Variants in TLCD5 observed in about 807,000 individuals in gnomAD.
TLCD5 encodes the protein TLC domain containing 5, also known as TLC domain-containing protein 5.
Under a neutral mutation model 20.5 loss-of-function variants are expected in TLCD5, and 15 were observed. That is an observed-to-expected ratio of 0.73 (90% CI 0.49 to 1.13). The LOEUF is 1.13. TLCD5 is among the 50% of genes most tolerant of loss of function. The probability of loss-of-function intolerance (pLI) is 0.00; values close to 1 mark genes in which losing one functional copy is unlikely to be tolerated. For synonymous variants in TLCD5, 107 were observed against 114.7 expected (o/e 0.93, Z 0.43); for missense variants, 289 against 305.6 (o/e 0.95, Z 0.41).
intron 1 of TLCD5, among the ~76,000 whole-genome samples, chr11:120,326,170 C>A (rs1012326358): frequency 6.6e-6 from 1 of 152,034 alleles, no homozygotes; most frequent in Non-Finnish European, 1.5e-5. Flanking sequence ...CCTTTCCCTT[C>A]CTCCCCTTCC....
Position 120,330,244 on chromosome 11 carries a change from C to T in TLCD5, c.467C>T (p.Thr156Ile), listed in dbSNP as rs1039267708. Residue 156 changes from threonine to isoleucine, a missense_variant, in exon 3 of 3, where the codon ACT (threonine) becomes ATT (isoleucine). Transcript: ENST00000375095. ...GAAACAGGGCACTATCACAGTTTCA[C>T]TGGAGATGTAGTGGACTTCCTCTTT... is the stretch of plus-strand genomic sequence containing the variant. ...LRETGHYHSF[T>I]GDVVDFLFVA... 3 of 1,552,932 alleles carry T rather than the reference C, an allele frequency of 1.9e-6. No individual in the cohort carries two copies. The African/African-American group carries it at 4.1e-5, about 21-fold the overall frequency.
At position 120,330,153 on chromosome 11, in the gene TLCD5, G is replaced by A; in HGVS notation, c.376G>A (p.Val126Ile). ...ALVLGESGTEVNAVLFGSELT... is the reference protein window; with the variant it reads ...ALVLGESGTEINAVLFGSELT... ...TGTGCTTGGGGAGTCTGGCACAGAG[G>A]TCAATGCAGTCCTCTTTGGAAGTGA... Residue 126 changes from valine to isoleucine, a missense_variant, in exon 3 of 3, where the codon GTC becomes ATC. Val to Ile is a conservative substitution (Grantham distance 29). Coordinates refer to ENST00000375095, the MANE Select transcript of TLCD5 (RefSeq NM_001198671.2). The A allele has an allele frequency of 6.2e-7, 1 of 1,606,990 alleles. No individual in the cohort carries two copies.
chr11:120,330,354 G>T lies in TLCD5; in HGVS notation c.577G>T (p.Val193Leu), dbSNP rs765627486. 6.2e-7 allele frequency: 1 copy of T among 1,612,562 alleles called. No homozygotes were observed. The highest frequency in any genetic ancestry group is 2.2e-5 in the East Asian group (1 of 44,880). Residue 193 changes from valine (V) to leucine (L), a missense_variant, in exon 3 of 3, where the codon GTG (valine) becomes TTG (leucine). Transcript: ENST00000375095. ...GGTCTCCCCCACGCCTAAGTGGTTT[G>T]TGAAGGCTGGGGGAGTAGCGATGTA... is the stretch of plus-strand genomic sequence containing the variant. ...EMVSPTPKWF[V>L]KAGGVAMYAV...
At chr11:120,327,325 A>G in intron 1 of TLCD5, 116 bp from the exon 2 acceptor site, 1 of 1,538,408 alleles carries the variant, frequency 6.5e-7, no homozygotes, top group Non-Finnish European at 8.8e-7. Flanking sequence ...AAATAAGATA[A>G]GGCAATATTT....
chr11:120,328,935 TGTGTG>T (rs1942079705), intron 2 of TLCD5, among the ~76,000 whole-genome samples: 1 of 144,768 alleles, frequency 6.9e-6, no homozygotes, highest in African/African-American at 2.6e-5. Context: ...TGTGTGTGTG[TGTGTG>T]TGTGTTTGTG....
intron 2 of TLCD5, among the ~76,000 whole-genome samples, chr11:120,329,004 A>T (rs867641901): frequency 5.3e-4 from 4 of 7,544 alleles, no homozygotes; most frequent in Admixed American, 2.7e-3. Flanking sequence ...TAACAGTCAT[A>T]GTGTGTGTGT....
chr11:120,328,678 A>AGTGT (rs36145001), intron 2 of TLCD5, among the ~76,000 whole-genome samples: 1,009 of 23,924 alleles, frequency 0.042, 28 homozygotes, highest in Admixed American at 0.081. Context: ...TAACAGTCAT[A>AGTGT]GTGTGTGTGT....
At chr11:120,327,299 G>A in intron 1 of TLCD5, 142 bp from the exon 2 acceptor site, 2 of 1,398,802 alleles carry the variant, frequency 1.4e-6, no homozygotes, top group Non-Finnish European at 2.0e-6. Flanking sequence ...AAGATTCTTG[G>A]CCGTGTAGAT....
Position 120,330,346 on chromosome 11 carries a change from A to C in TLCD5, c.569A>C (p.Lys190Thr). 6.2e-7 allele frequency: 1 copy of C among 1,611,368 alleles called. No homozygotes were observed. Among genetic ancestry groups the C allele is most frequent in the Non-Finnish European group, 8.5e-7 (1 of 1,178,574 alleles). The stretch of plus-strand genomic sequence containing the variant: ...TGTGAAATGGTCTCCCCCACGCCTA[A>C]GTGGTTTGTGAAGGCTGGGGGAGTA... ...LFCEMVSPTP[K>T]WFVKAGGVAM... Residue 190 changes from lysine to threonine, a missense_variant, in exon 3 of 3, where the codon AAG (lysine) becomes ACG (threonine). By Grantham distance (78) the Lys-to-Thr change is moderately conservative. Coordinates refer to ENST00000375095, the MANE Select transcript of TLCD5 (RefSeq NM_001198671.2).
At position 120,330,711 on chromosome 11, in the gene TLCD5, G is replaced by A. The variant is rs1942134729; in HGVS notation, c.*196G>A. 1.7e-6 allele frequency: 1 copy of A among 577,190 alleles called. No homozygotes were observed. Among genetic ancestry groups the A allele is most frequent in the South Asian group, 2.6e-5 (1 of 37,946 alleles). The allele number at this position is 577,190 out of a possible 1,614,324, so 35.8% of individuals were successfully genotyped here. On this transcript the variant is annotated 3_prime_UTR_variant, in exon 3 of 3. Transcript: ENST00000375095. ...TAACTTCTACAGTAGCACAGTTGTA[G>A]AAAGTGAGAATACTCCATGGTAGTT...
chr11:120,329,879 A>G (rs1201452115), intron 2 of TLCD5, 98 bp from the exon 3 acceptor site: 1 of 1,215,174 alleles, frequency 8.2e-7, no homozygotes, highest in Non-Finnish European at 1.2e-6. Context: ...TTGTTTCTTT[A>G]GTGTCTAGTA....
chr11:120,328,522 T>G (rs1234342553), intron 2 of TLCD5, among the ~76,000 whole-genome samples: 1 of 152,202 alleles, frequency 6.6e-6, no homozygotes, highest in Non-Finnish European at 1.5e-5. Flanking sequence ...TTAGCAGGTT[T>G]GGTTTCTTCT....
At chr11:120,329,683 G>A (rs1942104490) in intron 2 of TLCD5, among the ~76,000 whole-genome samples, 1 of 152,184 alleles carries the variant, frequency 6.6e-6, no homozygotes, top group African/African-American at 2.4e-5. Context: ...TGGATTTTAT[G>A]CTGTTCCGCG....
At chr11:120,326,784 C>A (rs1215694196) in intron 1 of TLCD5, among the ~76,000 whole-genome samples, 4 of 152,218 alleles carry the variant, frequency 2.6e-5, no homozygotes, top group Non-Finnish European at 5.9e-5. Context: ...TAGAATCCTT[C>A]TGCTTCACTC....
chr11:120,326,170 C>T (rs1012326358), intron 1 of TLCD5, among the ~76,000 whole-genome samples: 1 of 152,034 alleles, frequency 6.6e-6, no homozygotes, highest in African/African-American at 2.4e-5. Context: ...CCTTTCCCTT[C>T]CTCCCCTTCC....
Position 120,331,645 on chromosome 11 carries a change from T to G in TLCD5, c.*1130T>G, listed in dbSNP as rs1942155017. The G allele has an allele frequency of 6.6e-6, 1 of 152,264 alleles. No individual in the cohort carries two copies. Among genetic ancestry groups the G allele is most frequent in the South Asian group, 2.1e-4 (1 of 4,836 alleles). The allele number at this position is 152,264 out of a possible 1,614,324, so 9.4% of individuals were successfully genotyped here. ...GGATAGCAGTTTAGGCCTGCTATGTTAACTCTTTTCTGCACAAAACCTATA... is the reference window on the plus strand; with the variant it reads ...GGATAGCAGTTTAGGCCTGCTATGTGAACTCTTTTCTGCACAAAACCTATA... On this transcript the variant is annotated 3_prime_UTR_variant, in exon 3 of 3. Transcript: ENST00000375095. The surrounding 1 kb of genome is among the most constrained non-coding windows in gnomAD (Gnocchi z 4.5).
Position 120,330,349 on chromosome 11 carries a change from G to C in TLCD5, c.572G>C (p.Trp191Ser). The C allele has an allele frequency of 6.2e-7, 1 of 1,612,028 alleles. No individual in the cohort carries two copies. The highest frequency in any genetic ancestry group is 8.5e-7 in the Non-Finnish European group (1 of 1,178,936). Residue 191 changes from tryptophan to serine, a missense_variant, in exon 3 of 3, where the codon TGG (tryptophan) becomes TCG (serine). Trp to Ser is a radical substitution (Grantham distance 177). Transcript: ENST00000375095. ...GAAATGGTCTCCCCCACGCCTAAGTGGTTTGTGAAGGCTGGGGGAGTAGCG... is the reference window on the plus strand; with the variant it reads ...GAAATGGTCTCCCCCACGCCTAAGTCGTTTGTGAAGGCTGGGGGAGTAGCG... ...FCEMVSPTPK[W>S]FVKAGGVAMY... is the part of the protein sequence containing the mutation.
chr11:120,326,570 TACTA>T (rs1218804630), intron 1 of TLCD5, among the ~76,000 whole-genome samples: 2 of 152,382 alleles, frequency 1.3e-5, no homozygotes, highest in African/African-American at 2.4e-5. Context: ...AGCTAATGAA[TACTA>T]ACTAATAACA....
Position 120,325,615 on chromosome 11 carries a change from G to A in TLCD5, c.-2+247G>A, listed in dbSNP as rs1465988745. ...CGCAGGCACCGCCGCGCGGAGATGC[G>A]ATCGCCGTCCCTGCGAGGCCCCGGG... On this transcript the variant is annotated intron_variant, in intron 1 of 2. Coordinates refer to ENST00000375095, the MANE Select transcript of TLCD5 (RefSeq NM_001198671.2). Among the ~76,000 whole-genome samples, 3 of 151,612 alleles carry A rather than the reference G, an allele frequency of 2.0e-5. No individual in the cohort carries two copies. In the East Asian group the frequency reaches 5.8e-4, roughly 30 times the overall value.
Sources: allele counts gnomAD v4.1 joint callset (sites outside exome capture counted in the v4.1 genomes callset), GRCh38; gene constraint gnomAD v4.1.1; non-coding constraint Gnocchi (gnomAD v3.1); transcripts MANE v1.5; gene names NCBI Gene and HGNC (gene_info 2026-07-23, HGNC 2026-07-21).